Variants in POLR1E observed in about 807,000 individuals in gnomAD.
The protein encoded by POLR1E is RNA polymerase I subunit E.
Under a neutral mutation model 50.9 loss-of-function variants are expected in POLR1E, and 37 were observed. That is an observed-to-expected ratio of 0.73 (90% CI 0.56 to 0.96). POLR1E has a LOEUF of 0.96. Among genes scored for constraint, POLR1E ranks in the 40% least tolerant of loss-of-function variants. The pLI, the probability that POLR1E is intolerant of heterozygous loss-of-function variation, is 0.00. For missense variants in POLR1E, 426 were observed against 518.1 expected (o/e 0.82, Z 1.73); for synonymous variants, 166 against 191.6 (o/e 0.87, Z 1.10).
intron 5 of POLR1E, 69 bp from the exon 6 acceptor site, chr9:37,493,490 A>G: frequency 7.4e-7 from 1 of 1,348,916 alleles, no homozygotes; most frequent in Non-Finnish European, 1.0e-6. Context: ...GTATCCCCAT[A>G]GTGACACAGC....
chr9:37,495,811 G>A, intron 7 of POLR1E, 79 bp from the exon 8 acceptor site: 1 of 1,012,812 alleles, frequency 9.9e-7, no homozygotes, highest in African/African-American at 1.6e-5. Flanking sequence ...CCCTGTCTGT[G>A]AAATGCCACT....
At chr9:37,502,815 C>G (rs1481827169) in intron 11 of POLR1E, among the ~76,000 whole-genome samples, 1 of 152,186 alleles carries the variant, frequency 6.6e-6, no homozygotes, top group Non-Finnish European at 1.5e-5. Flanking sequence ...TTTTTCATCA[C>G]CCATATGGAT....
At chr9:37,492,489 A>G in intron 4 of POLR1E, 168 bp from the exon 5 acceptor site, 1 of 826,282 alleles carries the variant, frequency 1.2e-6, no homozygotes, top group Non-Finnish European at 1.9e-6. Context: ...ACTGTATACT[A>G]AAGCTGCATA....
rs201112805 is a variant in POLR1E at position 37,503,332 on chromosome 9, CT to C, written c.*133del. ...GTGGCTCACACCTGAAATCCCAGCA[CT>C]TTGGGAGGCCGAGGCAGGAAGATCA... On this transcript the variant is annotated 3_prime_UTR_variant, in exon 12 of 12. Coordinates refer to ENST00000377798, the MANE Select transcript of POLR1E (RefSeq NM_022490.4). The C allele has an allele frequency of 8.7e-7, 1 of 1,153,146 alleles. No homozygotes were observed. Among genetic ancestry groups the C allele is most frequent in the African/African-American group, 1.6e-5 (1 of 63,118 alleles). 71.4% of individuals were successfully genotyped at this position (1,153,146 alleles called of 1,614,324 possible).
chr9:37,492,778 C>T (rs1243488564), intron 5 of POLR1E, 63 bp downstream of exon 5: 1 of 1,456,354 alleles, frequency 6.9e-7, no homozygotes, highest in South Asian at 1.2e-5. Context: ...TCGGGTTTCT[C>T]CATCAGTGAA....
At chr9:37,496,623 CTTTTTTTTTT>C (rs376455174) in intron 8 of POLR1E, among the ~76,000 whole-genome samples, 7 of 112,480 alleles carry the variant, frequency 6.2e-5, no homozygotes, top group Admixed American at 8.6e-5. Context: ...ATTATTATTT[CTTTTTTTTTT>C]TTTTTTTTTG....
chr9:37,496,070 G>T, intron 8 of POLR1E, 84 bp downstream of exon 8: 1 of 956,368 alleles, frequency 1.0e-6, no homozygotes, highest in Non-Finnish European at 1.7e-6. Context: ...TCCTCTGGGC[G>T]TCAGTCAGTG....
chr9:37,498,400 T>C (rs1820822387), intron 9 of POLR1E, among the ~76,000 whole-genome samples, 176 bp downstream of exon 9: 1 of 152,238 alleles, frequency 6.6e-6, no homozygotes, highest in Admixed American at 6.5e-5. Flanking sequence ...AGGCCCCTTT[T>C]TCTCTCTGGA....
chr9:37,486,662 G>A, intron 1 of POLR1E, 41 bp from the exon 2 acceptor site: 1 of 1,614,088 alleles, frequency 6.2e-7, no homozygotes, highest in East Asian at 2.2e-5. Flanking sequence ...ACATTGTGTG[G>A]CCTTCTGCTC....
At chr9:37,487,757 A>G in intron 2 of POLR1E, 106 bp from the exon 3 acceptor site, 2 of 1,047,642 alleles carry the variant, frequency 1.9e-6, no homozygotes, top group South Asian at 2.7e-5. Context: ...GTTCTAATCC[A>G]TTGTGAGTCT....
intron 1 of POLR1E, 178 bp downstream of exon 1, chr9:37,486,301 C>T: frequency 7.7e-7 from 1 of 1,294,432 alleles, no homozygotes; most frequent in Middle Eastern, 2.2e-4. Flanking sequence ...GTCACTACCT[C>T]CCAGCCAGAT....
At chr9:37,495,606 A>G (rs565530261) in intron 7 of POLR1E, among the ~76,000 whole-genome samples, 1 of 152,324 alleles carries the variant, frequency 6.6e-6, no homozygotes, top group South Asian at 2.1e-4. Context: ...TTGTTGAAGG[A>G]AGGGTTGGAG....
At chr9:37,496,329 G>A (rs1433496167) in intron 8 of POLR1E, among the ~76,000 whole-genome samples, 2 of 152,090 alleles carry the variant, frequency 1.3e-5, no homozygotes, top group Non-Finnish European at 2.9e-5. Flanking sequence ...AATGGGTGCT[G>A]GCCAAAGTGA....
intron 11 of POLR1E, among the ~76,000 whole-genome samples, chr9:37,502,516 CTG>C (rs1442848865): frequency 6.6e-6 from 1 of 152,220 alleles, no homozygotes; most frequent in South Asian, 2.1e-4. Context: ...GGAACCTGAA[CTG>C]TGAGGTCAGC....
intron 4 of POLR1E, among the ~76,000 whole-genome samples, chr9:37,489,823 C>T (rs1820648383): frequency 6.6e-6 from 1 of 152,200 alleles, no homozygotes; most frequent in South Asian, 2.1e-4. Flanking sequence ...ATCCACCTGC[C>T]TCGGCCTCCC....
At chr9:37,498,044 G>A (rs1820814800) in intron 8 of POLR1E, 47 bp from the exon 9 acceptor site, 1 of 1,593,258 alleles carries the variant, frequency 6.3e-7, no homozygotes, top group African/African-American at 1.4e-5. Context: ...TCCTGACAGA[G>A]CCCATCTTAC....
At chr9:37,486,407 TCACTGGG>T (rs1820575655) in intron 1 of POLR1E, 16 of 1,519,688 alleles carry the variant, frequency 1.1e-5, no homozygotes, top group Non-Finnish European at 1.4e-5. Flanking sequence ...TTCCCTCTCT[TCACTGGG>T]CAGGGGTTCC....
chr9:37,488,459 G>A (rs1820617516), intron 3 of POLR1E, among the ~76,000 whole-genome samples: 1 of 152,034 alleles, frequency 6.6e-6, no homozygotes, highest in Non-Finnish European at 1.5e-5. Context: ...CTGGCATGAT[G>A]CAGACAGGGC....
Position 37,498,099 on chromosome 9 carries a change from C to T in POLR1E, c.761C>T (p.Thr254Ile). The T allele has an allele frequency of 1.9e-6, 3 of 1,613,758 alleles. No homozygotes were observed. Among genetic ancestry groups the T allele is most frequent in the Non-Finnish European group, 2.5e-6 (3 of 1,179,882 alleles). The change falls in exon 9 of 12, where the codon ACC becomes ATC. Residue 254 changes from threonine (T) to isoleucine (I), a missense_variant. Thr to Ile is a moderately conservative substitution (Grantham distance 89). Coordinates refer to ENST00000377798, the MANE Select transcript of POLR1E (RefSeq NM_022490.4). ...LKMIEENSHCTFVIEALKSLP... is the reference protein window; with the variant it reads ...LKMIEENSHCIFVIEALKSLP... Reference sequence around the variant, plus strand: ...TCTTTTCCTTGTTTTAGCCATTGCACCTTTGTCATAGAAGCGTTGAAGTCT... The same window carrying T: ...TCTTTTCCTTGTTTTAGCCATTGCATCTTTGTCATAGAAGCGTTGAAGTCT...
Sources: allele counts gnomAD v4.1 joint callset (sites outside exome capture counted in the v4.1 genomes callset), GRCh38; gene constraint gnomAD v4.1.1; transcripts MANE v1.5; gene names NCBI Gene and HGNC (gene_info 2026-07-23, HGNC 2026-07-21).